The following SLC8A3 variants were observed in gnomAD, a reference collection of about 807,000 sequenced individuals.
The protein encoded by SLC8A3 is sodium/calcium exchanger 3.
SLC8A3 carries 37 observed loss-of-function variants against 65.4 expected under a neutral mutation model. That is an observed-to-expected ratio of 0.57 (90% CI 0.44 to 0.74). SLC8A3 has a LOEUF of 0.74. Ranked by LOEUF, SLC8A3 falls within the 30% of genes least tolerant of loss-of-function variation. SLC8A3 has a pLI of 0.00. For missense variants in SLC8A3, 1,112 were observed against 1,172.1 expected (o/e 0.95, Z 0.75); for synonymous variants, 461 against 444.5 (o/e 1.04, Z -0.47).
chr14:70,154,389 G>A (rs1408295512), intron 2 of SLC8A3, among the ~76,000 whole-genome samples: 1 of 152,086 alleles, frequency 6.6e-6, no homozygotes, highest in Non-Finnish European at 1.5e-5. Context: ...TCCACCATTC[G>A]GACCGTCAGT....
intron 1 of SLC8A3, among the ~76,000 whole-genome samples, chr14:70,177,738 C>T (rs1313064499): frequency 6.6e-6 from 1 of 152,124 alleles, no homozygotes; most frequent in Non-Finnish European, 1.5e-5. Context: ...GTGTGCCTGG[C>T]CAAGGAATGT....
At chr14:70,102,432 G>T (rs941343651) in intron 2 of SLC8A3, among the ~76,000 whole-genome samples, 1 of 152,110 alleles carries the variant, frequency 6.6e-6, no homozygotes, top group East Asian at 1.9e-4. Context: ...TCAATATACA[G>T]CAAACAATAA....
At chr14:70,119,000 CAT>C (rs1893847996) in intron 2 of SLC8A3, among the ~76,000 whole-genome samples, 1 of 152,160 alleles carries the variant, frequency 6.6e-6, no homozygotes, top group Non-Finnish European at 1.5e-5. Flanking sequence ...CTGGGGAATT[CAT>C]ACACCTCGAG....
intron 1 of SLC8A3, among the ~76,000 whole-genome samples, chr14:70,168,754 T>A (rs751164127): frequency 6.6e-6 from 1 of 152,162 alleles, no homozygotes; most frequent in Non-Finnish European, 1.5e-5. Flanking sequence ...AAGTCCTGTC[T>A]CCCAAACTGG....
chr14:70,101,441 T>TA (rs548054885), intron 2 of SLC8A3, among the ~76,000 whole-genome samples: 55 of 150,982 alleles, frequency 3.6e-4, no homozygotes, highest in Non-Finnish European at 6.1e-4. Flanking sequence ...GAGAGAAGAC[T>TA]AAAAAAAAGG....
intron 5 of SLC8A3, among the ~76,000 whole-genome samples, chr14:70,050,513 A>C (rs1443157499): frequency 6.6e-6 from 1 of 152,184 alleles, no homozygotes; most frequent in African/African-American, 2.4e-5. Context: ...GGAGCCTGTC[A>C]GTAAATGCCG....
intron 2 of SLC8A3, among the ~76,000 whole-genome samples, chr14:70,092,147 C>A (rs934964055): frequency 6.6e-6 from 1 of 152,194 alleles, no homozygotes; most frequent in African/African-American, 2.4e-5. Flanking sequence ...CACCTTCCTT[C>A]GTGTCCCTTG....
Position 70,092,810 on chromosome 14 carries a change from G to A in SLC8A3, c.1785-31871C>T, listed in dbSNP as rs577003137. Reference sequence around the variant, plus strand: ...GCATTCCTGGTTTTCATCATCCCTGGAACTTTCTTTCTCATGCTTTGCTTA... The same window carrying A: ...GCATTCCTGGTTTTCATCATCCCTGAAACTTTCTTTCTCATGCTTTGCTTA... On this transcript the variant is annotated intron_variant, in intron 2 of 6. Coordinates refer to ENST00000356921, the MANE Select transcript of SLC8A3 (RefSeq NM_182932.3). 3.1e-4 allele frequency among the ~76,000 whole-genome samples: 47 copies of A among 152,254 alleles called. No individual in the cohort carries two copies. In the South Asian group the frequency reaches 9.8e-3, roughly 32 times the overall value.
At chr14:70,155,908 A>G (rs1194048525) in intron 2 of SLC8A3, among the ~76,000 whole-genome samples, 1 of 152,254 alleles carries the variant, frequency 6.6e-6, no homozygotes, top group African/African-American at 2.4e-5. Context: ...GAAAGTTTAT[A>G]TTCTTCCAGC....
At chr14:70,060,784 T>C in intron 3 of SLC8A3, 52 bp downstream of exon 3, 1 of 1,006,642 alleles carries the variant, frequency 9.9e-7, no homozygotes, top group South Asian at 1.3e-5. Flanking sequence ...TTCAGTTTGT[T>C]TTAATTTTTC....
Position 70,178,439 on chromosome 14 carries a change from A to T in SLC8A3, c.-63+9940T>A, listed in dbSNP as rs183477195. 1.5e-3 allele frequency among the ~76,000 whole-genome samples: 233 copies of T among 152,356 alleles called. 2 individuals carry two copies. Among genetic ancestry groups the T allele is most frequent in the African/African-American group, 5.0e-3 (209 of 41,582 alleles). On this transcript the variant is annotated intron_variant, in intron 1 of 6. Transcript: ENST00000356921. Reference sequence around the variant, plus strand: ...GCAAAGGGTTTGGGGACTTATGAACACTGCCTAAAGGTTATGGAGTCAGAC... The same window carrying T: ...GCAAAGGGTTTGGGGACTTATGAACTCTGCCTAAAGGTTATGGAGTCAGAC...
chr14:70,159,456 A>C (rs1896759734), intron 2 of SLC8A3, among the ~76,000 whole-genome samples: 3 of 151,922 alleles, frequency 2.0e-5, no homozygotes, highest in Admixed American at 2.0e-4. Context: ...ACACTAAGGA[A>C]ACATCTTGAA....
chr14:70,156,434 T>C (rs920248885), intron 2 of SLC8A3, among the ~76,000 whole-genome samples: 1 of 152,206 alleles, frequency 6.6e-6, no homozygotes, highest in Non-Finnish European at 1.5e-5. Context: ...AGGACTAGGA[T>C]TGGCAGATAT....
intron 2 of SLC8A3, among the ~76,000 whole-genome samples, chr14:70,063,501 G>T (rs547168040): frequency 6.6e-6 from 1 of 152,122 alleles, no homozygotes; most frequent in Non-Finnish European, 1.5e-5. Context: ...GCCAAGAGCC[G>T]CACATGATAC....
At chr14:70,180,926 T>TAG (rs1882697673) in intron 1 of SLC8A3, among the ~76,000 whole-genome samples, 1 of 152,184 alleles carries the variant, frequency 6.6e-6, no homozygotes. Flanking sequence ...AGTTGATCTC[T>TAG]AGAGACTCAA....
At chr14:70,110,973 C>T (rs1893261562) in intron 2 of SLC8A3, among the ~76,000 whole-genome samples, 1 of 152,152 alleles carries the variant, frequency 6.6e-6, no homozygotes, top group East Asian at 1.9e-4. Flanking sequence ...AGCCACCGCG[C>T]CCGGCTGCAG....
intron 1 of SLC8A3, among the ~76,000 whole-genome samples, chr14:70,180,214 T>C (rs1208858434): frequency 6.6e-6 from 1 of 152,234 alleles, no homozygotes; most frequent in African/African-American, 2.4e-5. Context: ...TGTACATATT[T>C]CTCAGGCTAT....
intron 5 of SLC8A3, 78 bp downstream of exon 5, chr14:70,050,930 G>A (rs1173776539): frequency 1.3e-5 from 11 of 849,254 alleles, no homozygotes; most frequent in South Asian, 1.1e-4. Context: ...GGACTGGCAG[G>A]CTGTTAACGT....
intron 1 of SLC8A3, among the ~76,000 whole-genome samples, chr14:70,177,200 A>C (rs1211187936): frequency 1.3e-5 from 2 of 152,216 alleles, no homozygotes; most frequent in Admixed American, 1.3e-4. Flanking sequence ...ATATTTATTG[A>C]ATGAAGGAGT....
Sources: gnomAD v4.1 joint callset for allele counts (sites outside exome capture counted in the v4.1 genomes callset) on GRCh38, gnomAD v4.1.1 for gene constraint, MANE v1.5 for transcripts, NCBI Gene and HGNC (gene_info 2026-07-23, HGNC 2026-07-21) for gene names.